Variants in AFF3 observed in about 807,000 individuals in gnomAD.
AFF3 encodes AF4/FMR2 family member 3.
Under a neutral mutation model 129.7 loss-of-function variants are expected in AFF3, and 32 were observed. The observed-to-expected ratio is 0.25, with a 90% CI of 0.19 to 0.33. The LOEUF (loss-of-function observed/expected upper bound fraction) is 0.33. AFF3 is among the 10% of genes least tolerant of loss of function. The pLI is 1.00. For synonymous variants in AFF3, 644 were observed against 635.4 expected, an observed-to-expected ratio of 1.01 and a Z score of -0.20; for missense variants, 1,373 against 1,592.0, an observed-to-expected ratio of 0.86 and a Z score of 2.34.
chr2:99,573,677 G>A (rs1676715865), intron 18 of AFF3, among the ~76,000 whole-genome samples: 1 of 152,178 alleles, frequency 6.6e-6, no homozygotes, highest in Non-Finnish European at 1.5e-5. Flanking sequence ...CTTCCTCCCG[G>A]CCACATTTCA....
intron 7 of AFF3, among the ~76,000 whole-genome samples, chr2:99,847,817 G>C (rs1689848430): frequency 6.6e-6 from 1 of 152,116 alleles, no homozygotes; most frequent in African/African-American, 2.4e-5. Flanking sequence ...ACTCAGAAGG[G>C]AAGGGAGCTT....
At chr2:99,957,776 T>C (rs2104281506) in intron 7 of AFF3, among the ~76,000 whole-genome samples, 1 of 152,268 alleles carries the variant, frequency 6.6e-6, no homozygotes, top group African/African-American at 2.4e-5. Flanking sequence ...AAAGGCTTGG[T>C]CTTGTTCTGC....
At chr2:99,661,956 G>A (rs933835373) in intron 12 of AFF3, among the ~76,000 whole-genome samples, 5 of 152,066 alleles carry the variant, frequency 3.3e-5, no homozygotes, top group East Asian at 1.9e-4. Context: ...CCTGGCCAAC[G>A]CGGTGAAACC....
intron 7 of AFF3, among the ~76,000 whole-genome samples, chr2:99,965,299 C>A (rs1677635835): frequency 6.6e-6 from 1 of 152,196 alleles, no homozygotes; most frequent in Non-Finnish European, 1.5e-5. Context: ...AAGTGCACAG[C>A]ATCCATCCCA....
At chr2:99,809,195 G>A (rs1185798965) in intron 8 of AFF3, among the ~76,000 whole-genome samples, 2 of 152,352 alleles carry the variant, frequency 1.3e-5, no homozygotes, top group East Asian at 3.9e-4. Flanking sequence ...GAAAGCCTTT[G>A]AGGTTCCAAG....
At chr2:99,593,078 C>T in intron 15 of AFF3, 117 bp downstream of exon 15, 1 of 1,233,856 alleles carries the variant, frequency 8.1e-7, no homozygotes, top group Non-Finnish European at 1.1e-6. Context: ...CACAAAACTC[C>T]TGCGGCAGCC....
intron 7 of AFF3, among the ~76,000 whole-genome samples, chr2:99,932,661 C>A (rs1490036422): frequency 6.6e-6 from 1 of 152,192 alleles, no homozygotes; most frequent in Non-Finnish European, 1.5e-5. Context: ...CATCTCTGTC[C>A]AGCTAAACTG....
intron 8 of AFF3, among the ~76,000 whole-genome samples, chr2:99,779,200 G>A (rs759973030): frequency 1.8e-4 from 27 of 152,110 alleles, no homozygotes; most frequent in Non-Finnish European, 3.5e-4. Context: ...GAGGAGGGCT[G>A]CCTCTGTTCC....
At chr2:100,008,699 C>T (rs1682214905) in intron 5 of AFF3, 113 bp downstream of exon 5, 2 of 1,321,822 alleles carry the variant, frequency 1.5e-6, no homozygotes, top group Non-Finnish European at 2.1e-6. Context: ...CTGGGCTGAA[C>T]AGACAGAAGA....
chr2:99,700,916 T>C (rs1312462560), intron 11 of AFF3, among the ~76,000 whole-genome samples: 1 of 152,098 alleles, frequency 6.6e-6, no homozygotes, highest in Non-Finnish European at 1.5e-5. Flanking sequence ...CTCCTCGGAG[T>C]GAGCGTGAGA....
chr2:100,032,875 T>A (rs1323331752), intron 4 of AFF3, among the ~76,000 whole-genome samples: 3 of 152,254 alleles, frequency 2.0e-5, no homozygotes, highest in Admixed American at 6.5e-5. Context: ...ATAAGAAAAA[T>A]TATTTATTAT....
intron 7 of AFF3, among the ~76,000 whole-genome samples, chr2:99,925,365 T>C (rs969227276): frequency 6.6e-6 from 1 of 152,196 alleles, no homozygotes; most frequent in East Asian, 1.9e-4. Flanking sequence ...AAAATAAGTA[T>C]ATAAATATGT....
chr2:99,732,552 T>C (rs1363991822), intron 10 of AFF3, among the ~76,000 whole-genome samples: 4 of 152,198 alleles, frequency 2.6e-5, no homozygotes, highest in Non-Finnish European at 4.4e-5. Flanking sequence ...ATTTTAGATT[T>C]AGCCATCATC....
At chr2:100,126,327 C>T (rs912954977) in intron 2 of AFF3, among the ~76,000 whole-genome samples, 2 of 152,190 alleles carry the variant, frequency 1.3e-5, no homozygotes, top group African/African-American at 4.8e-5. Flanking sequence ...ACTGGGCTCT[C>T]AGGAGCATGA....
intron 11 of AFF3, among the ~76,000 whole-genome samples, chr2:99,723,830 G>A (rs910718469): frequency 6.6e-6 from 1 of 152,124 alleles, no homozygotes; most frequent in African/African-American, 2.4e-5. Context: ...CGTCATTAGG[G>A]TGGGCCCTAA....
intron 4 of AFF3, among the ~76,000 whole-genome samples, chr2:100,100,944 T>C (rs1459056905): frequency 1.3e-5 from 2 of 152,226 alleles, no homozygotes; most frequent in Non-Finnish European, 2.9e-5. Context: ...TCTTCAAGAC[T>C]CTACAGAACA....
chr2:99,993,792 C>CTTTTTTTTTTTT (rs751882272), intron 7 of AFF3, among the ~76,000 whole-genome samples: 2 of 72,538 alleles, frequency 2.8e-5, no homozygotes, highest in African/African-American at 6.2e-5. Flanking sequence ...AACACTTTAT[C>CTTTTTTTTTTTT]TTTTTTTTTT....
At chr2:99,954,302 G>A (rs577074002) in intron 7 of AFF3, among the ~76,000 whole-genome samples, 9 of 151,954 alleles carry the variant, frequency 5.9e-5, no homozygotes, top group African/African-American at 2.2e-4. Flanking sequence ...TCTATCTTTG[G>A]TCACATCTTA....
chr2:99,972,006 G>T (rs1323901407), intron 7 of AFF3, among the ~76,000 whole-genome samples: 4 of 152,158 alleles, frequency 2.6e-5, no homozygotes, highest in African/African-American at 9.7e-5. Context: ...AACTGACAAC[G>T]GACCCACATC....
Sources: gnomAD v4.1 joint callset for allele counts (sites outside exome capture counted in the v4.1 genomes callset) on GRCh38, gnomAD v4.1.1 for gene constraint, MANE v1.5 for transcripts, NCBI Gene and HGNC (gene_info 2026-07-23, HGNC 2026-07-21) for gene names.